PTH1R: variants seen among roughly 807,000 people sequenced by gnomAD.
The protein encoded by PTH1R is parathyroid hormone/parathyroid hormone-related peptide receptor.
Under a neutral mutation model 70.7 loss-of-function variants are expected in PTH1R, and 32 were observed. That is an observed-to-expected ratio of 0.45 (90% CI 0.34 to 0.61). The LOEUF is 0.61. Among genes scored for constraint, PTH1R ranks in the 20% least tolerant of loss-of-function variants. The pLI is 0.01. For synonymous variants in PTH1R, 329 were observed against 324.8 expected (o/e 1.01, Z -0.14); for missense variants, 626 against 792.5 (o/e 0.79, Z 2.52).
chr3:46,890,457 A>G (rs2031342470), intron 3 of PTH1R, among the ~76,000 whole-genome samples: 1 of 148,758 alleles, frequency 6.7e-6, no homozygotes, highest in African/African-American at 2.5e-5. Flanking sequence ...ACCCCTGCAC[A>G]GGCTTGTTGT....
Position 46,901,556 on chromosome 3 carries a change from G to A in PTH1R, c.1116+76G>A. On this transcript the variant is annotated intron_variant, in intron 12 of 15. Coordinates refer to ENST00000449590, the MANE Select transcript of PTH1R (RefSeq NM_000316.3). The surrounding 1 kb of genome is among the most constrained non-coding windows in gnomAD (Gnocchi z 7.3). ...CGTCCCCTGGAACCAGCCCCTGACAGGGACCTAGGAGGCTTCCCTGGACCC... is the reference window on the plus strand; with the variant it reads ...CGTCCCCTGGAACCAGCCCCTGACAAGGACCTAGGAGGCTTCCCTGGACCC... 1 of 1,521,346 alleles carries A rather than the reference G, an allele frequency of 6.6e-7. No individual in the cohort carries two copies. The highest frequency in any genetic ancestry group is 8.9e-7 in the Non-Finnish European group (1 of 1,121,234). 94.2% of individuals were successfully genotyped at this position (1,521,346 alleles called of 1,614,324 possible). A position where few individuals can be genotyped will look rare whatever the true frequency, so the allele number is the denominator to read the frequency against.
Position 46,898,885 on chromosome 3 carries a change from C to G in PTH1R, c.834+28C>G, listed in dbSNP as rs918511076. 5 of 1,470,020 alleles carry G rather than the reference C, an allele frequency of 3.4e-6. No homozygotes were observed. The Admixed American group carries it at 6.3e-5, about 19-fold the overall frequency. The allele number at this position is 1,470,020 out of a possible 1,614,324, so 91.1% of individuals were successfully genotyped here. On this transcript the variant is annotated intron_variant, in intron 9 of 15. Transcript: ENST00000449590. Reference sequence around the variant, plus strand: ...GAGTACCCCTCTGCCCGCCCGCTCCCGGTGCCGCCACTGGCCTCGTGGGGC... The same window carrying G: ...GAGTACCCCTCTGCCCGCCCGCTCCGGGTGCCGCCACTGGCCTCGTGGGGC...
chr3:46,878,736 A>G (rs1248751720), intron 1 of PTH1R, among the ~76,000 whole-genome samples: 2 of 151,674 alleles, frequency 1.3e-5, no homozygotes, highest in African/African-American at 4.8e-5. Context: ...CCAGAGCCCT[A>G]CTCACGGTGG....
chr3:46,886,692 T>A (rs910926236), intron 3 of PTH1R, among the ~76,000 whole-genome samples: 1 of 152,090 alleles, frequency 6.6e-6, no homozygotes, highest in Admixed American at 6.6e-5. Flanking sequence ...GAAGCCAACA[T>A]GTACAGAACA....
At chr3:46,880,726 TGAA>T (rs541243988) in intron 1 of PTH1R, among the ~76,000 whole-genome samples, 40 of 151,542 alleles carry the variant, frequency 2.6e-4, no homozygotes, top group African/African-American at 6.6e-4. Flanking sequence ...GACTTTGTCT[TGAA>T]GAAGAAGAAG....
In PTH1R at chr3:46,903,166, TC is replaced by T. The variant is rs2032230788; in HGVS notation, c.1396-100del. ...ACTTGGCCTTGGAGTTTCCCAGGAG[TC>T]CCCTATTCCCATTTTCATTCCGTGC... On this transcript the variant is annotated intron_variant, in intron 15 of 15. Transcript: ENST00000449590. The surrounding 1 kb of genome is among the most constrained non-coding windows in gnomAD (Gnocchi z 4.4). 1 of 1,549,992 alleles carries T rather than the reference TC, an allele frequency of 6.5e-7. No individual in the cohort carries two copies. The highest frequency in any genetic ancestry group is 8.7e-7 in the Non-Finnish European group (1 of 1,147,222).
rs900156051 is a variant in PTH1R at position 46,882,753 on chromosome 3, G to A, written c.-48-759G>A. 6.6e-6 allele frequency among the ~76,000 whole-genome samples: 1 copy of A among 152,152 alleles called. No homozygotes were observed. Among genetic ancestry groups the A allele is most frequent in the African/African-American group, 2.4e-5 (1 of 41,448 alleles). ...GGCCAAGGCCGGGGGAGCTAGAGAC[G>A]GACTGACAGACAGGCAGACCGACAG... On this transcript the variant is annotated intron_variant, in intron 2 of 15. Transcript: ENST00000449590. The surrounding 1 kb of genome is among the most constrained non-coding windows in gnomAD (Gnocchi z 4.3).
At chr3:46,900,579 T>C (rs2032057391) in intron 10 of PTH1R, among the ~76,000 whole-genome samples, 2 of 151,644 alleles carry the variant, frequency 1.3e-5, no homozygotes, top group Admixed American at 6.6e-5. Context: ...TCTCACCCCA[T>C]CCAGTCTCAT....
rs752853889 is a variant in PTH1R, at chr3:46,898,698, C to T, written c.675C>T (p.His225=). 1 of 1,612,436 alleles carries T rather than the reference C, an allele frequency of 6.2e-7. No individual in the cohort carries two copies. Among genetic ancestry groups the T allele is most frequent in the Non-Finnish European group, 8.5e-7 (1 of 1,179,784 alleles). Residue 225 remains histidine (H), a synonymous_variant, in exon 9 of 16, where the codon CAC becomes CAT. Coordinates refer to ENST00000449590, the MANE Select transcript of PTH1R (RefSeq NM_000316.3). ...LHCTRNYIHM[H]LFLSFMLRAV... ...GCACGCGCAACTACATCCACATGCA[C>T]CTGTTCCTGTCCTTCATGCTGCGCG... is the stretch of plus-strand genomic sequence containing the variant.
At chr3:46,898,617 C>CG in intron 8 of PTH1R, 45 bp from the exon 9 acceptor site, 1 of 1,607,828 alleles carries the variant, frequency 6.2e-7, no homozygotes, top group Middle Eastern at 1.7e-4. Context: ...CCACCCACCG[C>CG]GCGTCCCCGT....
At chr3:46,899,492 G>A in intron 10 of PTH1R, 36 bp downstream of exon 10, 1 of 1,596,860 alleles carries the variant, frequency 6.3e-7, no homozygotes, top group East Asian at 2.2e-5. Flanking sequence ...GTGCCGGCAG[G>A]GGTGGGACCG....
intron 3 of PTH1R, among the ~76,000 whole-genome samples, chr3:46,885,770 CT>C (rs1362800548): frequency 6.6e-6 from 1 of 152,180 alleles, no homozygotes; most frequent in East Asian, 1.9e-4. Context: ...TATGGGCCCC[CT>C]GGACTCATCT....
At position 46,892,120 on chromosome 3, in the gene PTH1R, TGGGGAAG is replaced by T. The variant is rs2031446851; in HGVS notation, c.76-1786_76-1780del. Among the ~76,000 whole-genome samples the T allele has an allele frequency of 3.3e-5, 5 of 152,170 alleles. No homozygotes were observed. Among genetic ancestry groups the T allele is most frequent in the Non-Finnish European group, 7.4e-5 (5 of 67,988 alleles). ...CTGCCCCAGCCAGCTCAGCCATAGC[TGGGGAAG>T]CAAAGAGACTAGGATAGAGGAGCTT... On this transcript the variant is annotated intron_variant, in intron 3 of 15. Coordinates refer to ENST00000449590, the MANE Select transcript of PTH1R (RefSeq NM_000316.3). This position sits in a 1 kb window ranked among gnomAD's most constrained non-coding sequence, Gnocchi z 5.2.
At chr3:46,890,655 C>T (rs1280897183) in intron 3 of PTH1R, among the ~76,000 whole-genome samples, 1 of 152,010 alleles carries the variant, frequency 6.6e-6, no homozygotes, top group Non-Finnish European at 1.5e-5. Context: ...GGCGCACCAC[C>T]ACACCCAGCT....
rs41290644 is a variant in PTH1R, at chr3:46,893,806, G to T, written c.76-101G>T. On this transcript the variant is annotated intron_variant, in intron 3 of 15. Transcript: ENST00000449590. This position sits in a 1 kb window ranked among gnomAD's most constrained non-coding sequence, Gnocchi z 5.2. ...ATCCCACCTTCCCTCTAGAGTCAGG[G>T]CCTTTTGAAAGGGGGTAGTCCCTCT... is the stretch of plus-strand genomic sequence containing the variant. 4 of 1,054,336 alleles carry T rather than the reference G, an allele frequency of 3.8e-6. No individual in the cohort carries two copies. In the African/African-American group the frequency reaches 6.2e-5, roughly 16 times the overall value. 65.3% of individuals were successfully genotyped at this position (1,054,336 alleles called of 1,614,324 possible).
intron 3 of PTH1R, among the ~76,000 whole-genome samples, chr3:46,889,624 G>A (rs1014339423): frequency 3.3e-5 from 5 of 152,216 alleles, no homozygotes; most frequent in Admixed American, 2.0e-4. Flanking sequence ...CCATGGGGAG[G>A]ATGTGCTACA....
Position 46,883,210 on chromosome 3 carries a change from CCGGGGG to C in PTH1R, c.-48-295_-48-290del, listed in dbSNP as rs1447851042. 4 of 203,628 alleles carry C rather than the reference CCGGGGG, an allele frequency of 2.0e-5. No homozygotes were observed. The East Asian group carries it at 4.6e-4, about 23-fold the overall frequency. The allele number at this position is 203,628 out of a possible 1,614,324, so 12.6% of individuals were successfully genotyped here. The stretch of plus-strand genomic sequence containing the variant: ...GCGCGGGAGGGGGGCGGGGGGCGGG[CCGGGGG>C]CGGGGGGCCCGGCCATATGGATGTG... On this transcript the variant is annotated intron_variant, in intron 2 of 15. Coordinates refer to ENST00000449590, the MANE Select transcript of PTH1R (RefSeq NM_000316.3). The surrounding 1 kb of genome is among the most constrained non-coding windows in gnomAD (Gnocchi z 6.4).
At chr3:46,899,183 C>T (rs1332263464) in intron 9 of PTH1R, 120 bp from the exon 10 acceptor site, 1 of 1,367,950 alleles carries the variant, frequency 7.3e-7, no homozygotes. Flanking sequence ...CGAAGCCTGC[C>T]CCTTCCTGGC....
chr3:46,881,863 G>A (rs1347885306), intron 2 of PTH1R, among the ~76,000 whole-genome samples: 1 of 151,942 alleles, frequency 6.6e-6, no homozygotes, highest in African/African-American at 2.4e-5. Context: ...CGGGGGTACC[G>A]GGCAGCCTCC....
Sources: allele counts gnomAD v4.1 joint callset (sites outside exome capture counted in the v4.1 genomes callset), GRCh38; gene constraint gnomAD v4.1.1; non-coding constraint Gnocchi (gnomAD v3.1); transcripts MANE v1.5; gene names NCBI Gene and HGNC (gene_info 2026-07-23, HGNC 2026-07-21).